The following GSE1 variants were observed in gnomAD, a reference collection of about 807,000 sequenced individuals.
GSE1 encodes genetic suppressor element 1.
In GSE1, 32 loss-of-function variants were observed where a neutral mutation model predicts 112.6. The ratio of observed to expected loss-of-function variants is 0.28; its 90% CI spans 0.21 to 0.38. The LOEUF (loss-of-function observed/expected upper bound fraction) is 0.38, where lower values mean the gene tolerates loss of function less well. Among genes scored for constraint, GSE1 ranks in the 10% least tolerant of loss-of-function variants. The pLI, the probability that GSE1 is intolerant of heterozygous loss-of-function variation, is 1.00. For synonymous variants in GSE1, 1,115 were observed against 735.6 expected (o/e 1.52, Z -8.35); for missense variants, 2,348 against 1,699.2 (o/e 1.38, Z -6.71).
In GSE1 at chr16:85,655,546, G is replaced by C. The variant is rs555563602; in HGVS notation, c.798-180G>C. 1.6e-4 allele frequency among the ~76,000 whole-genome samples: 25 copies of C among 152,356 alleles called. No individual in the cohort carries two copies. The East Asian group carries it at 4.6e-3, about 28-fold the overall frequency. On this transcript the variant is annotated intron_variant, in intron 5 of 15. Coordinates refer to ENST00000253458, the MANE Select transcript of GSE1 (RefSeq NM_014615.5). ...TGGAACCCCAAGCTGTCGGCACCTA[G>C]CAGCCTCCGGCATCAAGGGGCTTTG... is the stretch of plus-strand genomic sequence containing the variant.
At chr16:85,286,492 C>G (rs867061063) in intron 1 of GSE1, among the ~76,000 whole-genome samples, 2 of 152,366 alleles carry the variant, frequency 1.3e-5, no homozygotes, top group Middle Eastern at 3.4e-3. Context: ...TTCCAAATGT[C>G]CGTTCCCACA....
intron 1 of GSE1, among the ~76,000 whole-genome samples, chr16:85,330,075 G>C (rs949408680): frequency 6.6e-6 from 1 of 152,170 alleles, no homozygotes; most frequent in Non-Finnish European, 1.5e-5. Context: ...TCCTGGTGGC[G>C]GCCAGGAGTG....
At chr16:85,216,011 GC>G (rs2075301850) in intron 1 of GSE1, among the ~76,000 whole-genome samples, 1 of 152,190 alleles carries the variant, frequency 6.6e-6, no homozygotes, top group South Asian at 2.1e-4. Context: ...GTTCCCTTCA[GC>G]CCTGGGGGTC....
intron 1 of GSE1, among the ~76,000 whole-genome samples, chr16:85,232,900 TAATG>T (rs1485017003): frequency 6.6e-6 from 1 of 152,266 alleles, no homozygotes; most frequent in Non-Finnish European, 1.5e-5. Flanking sequence ...AGGTGTGAAT[TAATG>T]AATGGCTCCA....
intron 2 of GSE1, among the ~76,000 whole-genome samples, chr16:85,486,905 G>A (rs1055956924): frequency 6.6e-6 from 1 of 152,208 alleles, no homozygotes; most frequent in Non-Finnish European, 1.5e-5. Context: ...ATAGGCTGCA[G>A]GATTCAGGCG....
chr16:85,621,714 G>A (rs1598415149), intron 1 of GSE1, among the ~76,000 whole-genome samples: 1 of 152,184 alleles, frequency 6.6e-6, no homozygotes, highest in Non-Finnish European at 1.5e-5. Flanking sequence ...CTCCAGCCAC[G>A]GCTGGCAGAG....
chr16:85,622,815 C>T (rs752682886), intron 1 of GSE1, among the ~76,000 whole-genome samples: 1 of 152,206 alleles, frequency 6.6e-6, no homozygotes, highest in Non-Finnish European at 1.5e-5. Context: ...TTCTGTTACA[C>T]CCTCATGGAG....
At chr16:85,326,325 G>T (rs763456824) in intron 1 of GSE1, among the ~76,000 whole-genome samples, 16 of 152,218 alleles carry the variant, frequency 1.1e-4, no homozygotes, top group Non-Finnish European at 2.2e-4. Context: ...TAACATGTCT[G>T]TGCCTCAGTG....
chr16:85,245,936 T>C (rs2143968896), intron 1 of GSE1, among the ~76,000 whole-genome samples: 1 of 149,274 alleles, frequency 6.7e-6, no homozygotes, highest in Middle Eastern at 3.4e-3. Context: ...GGTGTCTGCG[T>C]GTGTTAGTTG....
chr16:85,634,453 C>T (rs932260121), intron 2 of GSE1, among the ~76,000 whole-genome samples: 1 of 152,172 alleles, frequency 6.6e-6, no homozygotes, highest in Admixed American at 6.5e-5. Flanking sequence ...GTGCCCTGGA[C>T]CAGGGGAGCC....
chr16:85,477,990 GA>G (rs2050513838), intron 2 of GSE1, among the ~76,000 whole-genome samples: 1 of 152,094 alleles, frequency 6.6e-6, no homozygotes, highest in South Asian at 2.1e-4. Flanking sequence ...CGTCACTCCA[GA>G]AAGAATCCCC....
chr16:85,220,779 C>CT (rs1286122681), intron 1 of GSE1, among the ~76,000 whole-genome samples: 3 of 152,194 alleles, frequency 2.0e-5, no homozygotes, highest in South Asian at 2.1e-4. Context: ...TTCGGTTTCT[C>CT]TTTTTTTGTC....
At chr16:85,624,591 G>A (rs1322305879) in intron 1 of GSE1, among the ~76,000 whole-genome samples, 1 of 152,232 alleles carries the variant, frequency 6.6e-6, no homozygotes, top group Non-Finnish European at 1.5e-5. Context: ...CACATTAAAG[G>A]GAAGCAGCCG....
chr16:85,401,307 G>T (rs1156690903), intron 2 of GSE1, among the ~76,000 whole-genome samples: 2 of 143,022 alleles, frequency 1.4e-5, no homozygotes, highest in African/African-American at 5.1e-5. Context: ...AGCAGAATTG[G>T]CCAGGAAGAT....
rs188568630 is a variant in GSE1 at position 85,491,123 on chromosome 16, C to A, written c.2464+133480C>A. On this transcript the variant is annotated intron_variant, in intron 2 of 2. Transcript: ENST00000637419. Reference sequence around the variant, plus strand: ...CCCCAAGCCCTGTCGCAGGGGGCGGCACCAGAGCAGATGGAAAGAGCTTTT... The same window carrying A: ...CCCCAAGCCCTGTCGCAGGGGGCGGAACCAGAGCAGATGGAAAGAGCTTTT... Among the ~76,000 whole-genome samples, 747 of 152,288 alleles carry A rather than the reference C, an allele frequency of 4.9e-3. 1 individual carries two copies. Among genetic ancestry groups the A allele is most frequent in the Middle Eastern group, 0.01 (3 of 294 alleles).
chr16:85,278,701 T>C (rs908635587), intron 1 of GSE1: 1 of 152,276 alleles, frequency 6.6e-6, no homozygotes, highest in African/African-American at 2.4e-5. Context: ...TGCCAGTTGT[T>C]TATTTCTCAA....
intron 1 of GSE1, among the ~76,000 whole-genome samples, chr16:85,565,023 G>T (rs994022965): frequency 1.1e-4 from 16 of 152,036 alleles, no homozygotes; most frequent in African/African-American, 3.4e-4. Flanking sequence ...GTCTTAAGAG[G>T]GTCTTGAATG....
chr16:85,515,027 G>T (rs1014342197), intron 2 of GSE1, among the ~76,000 whole-genome samples: 1 of 152,220 alleles, frequency 6.6e-6, no homozygotes, highest in African/African-American at 2.4e-5. Flanking sequence ...GAATATCTGT[G>T]TGGGTGGATG....
At chr16:85,398,666 A>G (rs537888113) in intron 2 of GSE1, among the ~76,000 whole-genome samples, 6 of 152,274 alleles carry the variant, frequency 3.9e-5, no homozygotes, top group Non-Finnish European at 4.4e-5. Context: ...GGGATAGGTT[A>G]GGATCGAGGG....
Sources: allele counts gnomAD v4.1 joint callset (sites outside exome capture counted in the v4.1 genomes callset), GRCh38; gene constraint gnomAD v4.1.1; transcripts MANE v1.5; gene names NCBI Gene and HGNC (gene_info 2026-07-23, HGNC 2026-07-21).